Variants in PKHD1 observed in about 807,000 individuals in gnomAD.
PKHD1 encodes the protein PKHD1 ciliary IPT domain containing fibrocystin/polyductin.
PKHD1 carries 291 observed loss-of-function variants against 412.0 expected under a neutral mutation model. That is an observed-to-expected ratio of 0.71 (90% CI 0.64 to 0.78). The LOEUF (loss-of-function observed/expected upper bound fraction) is 0.78. Ranked by LOEUF, PKHD1 falls within the 30% of genes least tolerant of loss-of-function variation. PKHD1 has a pLI of 0.00. For synonymous variants in PKHD1, 1,777 were observed against 1,821.5 expected, an observed-to-expected ratio of 0.98 and a Z score of 0.62; for missense variants, 4,825 against 4,950.7, an observed-to-expected ratio of 0.97 and a Z score of 0.76.
chr6:51,956,893 G>C (rs1178851079), intron 36 of PKHD1, among the ~76,000 whole-genome samples: 3 of 152,064 alleles, frequency 2.0e-5, no homozygotes, highest in Non-Finnish European at 4.4e-5. Context: ...AAGGGGATCA[G>C]AGGTTAAATA....
chr6:52,060,358 C>CT (rs1449717192), intron 14 of PKHD1, among the ~76,000 whole-genome samples: 2 of 152,174 alleles, frequency 1.3e-5, no homozygotes, highest in Non-Finnish European at 2.9e-5. Context: ...AGCCCTGGAT[C>CT]ATGGTAGAAG....
At chr6:51,958,019 G>A (rs1238221366) in intron 36 of PKHD1, among the ~76,000 whole-genome samples, 2 of 151,976 alleles carry the variant, frequency 1.3e-5, no homozygotes, top group Admixed American at 1.3e-4. Context: ...CACTCAATAA[G>A]CATTCACAAA....
intron 52 of PKHD1, among the ~76,000 whole-genome samples, chr6:51,822,759 A>G (rs536275302): frequency 6.6e-6 from 1 of 152,180 alleles, no homozygotes; most frequent in South Asian, 2.1e-4. Flanking sequence ...CTTTACATGC[A>G]TCCTCTATTT....
chr6:51,900,505 T>C (rs1172265182), intron 43 of PKHD1, among the ~76,000 whole-genome samples: 9 of 152,256 alleles, frequency 5.9e-5, no homozygotes, highest in South Asian at 2.1e-4. Flanking sequence ...CCTTACACCT[T>C]ATTCAAAAAT....
intron 49 of PKHD1, among the ~76,000 whole-genome samples, chr6:51,854,452 G>A (rs1027893155): frequency 8.5e-5 from 13 of 152,120 alleles, no homozygotes; most frequent in South Asian, 2.1e-4. Context: ...TTTGTCCCTT[G>A]GTGGAGAGGG....
intron 55 of PKHD1, among the ~76,000 whole-genome samples, chr6:51,767,898 T>C (rs551716433): frequency 3.3e-4 from 50 of 152,172 alleles, no homozygotes; most frequent in Non-Finnish European, 6.5e-4. Flanking sequence ...CCACACTGAC[T>C]TCCACAATGG....
At chr6:51,911,775 C>G (rs1214627439) in intron 39 of PKHD1, 24 bp downstream of exon 39, 12 of 1,603,172 alleles carry the variant, frequency 7.5e-6, no homozygotes, top group African/African-American at 1.3e-5. Flanking sequence ...GCTCATTAGA[C>G]TTTCCAACAA....
Position 51,763,782 on chromosome 6 carries a change from T to G in PKHD1, c.8643-8844A>C, listed in dbSNP as rs773221025. ...AGCCCCTGACTACAATTACACTGTC[T>G]CTTGCTGGGTGTCTCTGGATCTACT... On this transcript the variant is annotated intron_variant, in intron 55 of 66. Coordinates refer to ENST00000371117, the MANE Select transcript of PKHD1 (RefSeq NM_138694.4). Among the ~76,000 whole-genome samples the G allele has an allele frequency of 3.3e-5, 5 of 152,148 alleles. 1 individual carries two copies. Among genetic ancestry groups the G allele is most frequent in the Admixed American group, 1.3e-4 (2 of 15,248 alleles).
At chr6:51,683,217 C>A (rs542622515) in intron 60 of PKHD1, among the ~76,000 whole-genome samples, 79 of 152,048 alleles carry the variant, frequency 5.2e-4, no homozygotes, top group African/African-American at 1.9e-3. Flanking sequence ...TCAATGACTC[C>A]TCCTGAAAAC....
chr6:51,719,774 C>T (rs1001810795), intron 60 of PKHD1, among the ~76,000 whole-genome samples: 2 of 152,116 alleles, frequency 1.3e-5, no homozygotes, highest in Admixed American at 6.6e-5. Flanking sequence ...CTTTATTATG[C>T]TGTTGGCAAA....
At chr6:51,728,723 C>A (rs771995335) in intron 60 of PKHD1, among the ~76,000 whole-genome samples, 6 of 152,178 alleles carry the variant, frequency 3.9e-5, no homozygotes, top group Admixed American at 2.0e-4. Context: ...GACTTCTGAC[C>A]TACAAAACTG....
chr6:51,909,819 C>A (rs1782685964), intron 39 of PKHD1, among the ~76,000 whole-genome samples: 1 of 152,060 alleles, frequency 6.6e-6, no homozygotes, highest in South Asian at 2.1e-4. Context: ...AATAAAATGA[C>A]CTTCTTGTGG....
intron 53 of PKHD1, 106 bp downstream of exon 53, chr6:51,791,130 C>T: frequency 8.4e-7 from 1 of 1,186,966 alleles, no homozygotes; most frequent in South Asian, 1.2e-5. Flanking sequence ...TTAACCCTCC[C>T]TAAACTCTGT....
chr6:51,664,956 AGTT>A (rs1773487073), intron 60 of PKHD1, among the ~76,000 whole-genome samples: 1 of 152,116 alleles, frequency 6.6e-6, no homozygotes, highest in Non-Finnish European at 1.5e-5. Context: ...ATCAAATATT[AGTT>A]ATTATAAAAT....
chr6:52,062,660 C>A lies in PKHD1; in HGVS notation c.977G>T (p.Gly326Val), dbSNP rs778329699. The A allele has an allele frequency of 2.7e-5, 43 of 1,613,942 alleles. No individual in the cohort carries two copies. Among genetic ancestry groups the A allele is most frequent in the Non-Finnish European group, 3.6e-5 (42 of 1,179,950 alleles). The change falls in exon 14 of 67, where the codon GGC becomes GTC. Residue 326 changes from glycine (G) to valine (V), a missense_variant and splice_region_variant. By Grantham distance (109) the Gly-to-Val change is moderately radical. Transcript: ENST00000371117. Reference protein sequence around the residue: ...KDVRLTTPQPGNRGLLFEVGD... With the variant: ...KDVRLTTPQPVNRGLLFEVGD... ...AACTTCAAAAAGAAGCCCTCGATTG[C>A]CTGTAAGACATGTAGATCGCATAAA...
At chr6:51,728,803 C>T (rs775686700) in intron 60 of PKHD1, among the ~76,000 whole-genome samples, 20 of 152,154 alleles carry the variant, frequency 1.3e-4, no homozygotes, top group Non-Finnish European at 2.5e-4. Context: ...CAATAGAAAA[C>T]TTGTACAAAA....
In PKHD1 at chr6:52,055,668, C is replaced by G; in HGVS notation, c.1755G>C (p.Arg585Ser). The G allele has an allele frequency of 6.2e-7, 1 of 1,613,874 alleles. No homozygotes were observed. The highest frequency in any genetic ancestry group is 8.5e-7 in the Non-Finnish European group (1 of 1,179,834). ...GGTGTCGAGGCTGACGGAGGCTGAA[C>G]CTGCCACAGAAGGGCTCCGTCCCAC... Reference protein sequence around the residue: ...LTSGTEPFCGRFSLRQPRHLV... With the variant: ...LTSGTEPFCGSFSLRQPRHLV... The change falls in exon 19 of 67, where the codon AGG (arginine) becomes AGC (serine). Residue 585 changes from arginine to serine, a missense_variant. By Grantham distance (110) the Arg-to-Ser change is moderately radical. Coordinates refer to ENST00000371117, the MANE Select transcript of PKHD1 (RefSeq NM_138694.4).
Position 52,059,658 on chromosome 6 carries a change from T to TATAC in PKHD1, c.1233+266_1233+269dup, listed in dbSNP as rs1808374189. Among the ~76,000 whole-genome samples the TATAC allele has an allele frequency of 2.6e-5, 4 of 152,256 alleles. No individual in the cohort carries two copies. The South Asian group carries it at 8.3e-4, about 31-fold the overall frequency. ...AACACATACATAATATATATACATATATACATACATACATACATTTTGCAG... is the reference window on the plus strand; with the variant it reads ...AACACATACATAATATATATACATATATACATACATACATACATACATTTTGCAG... On this transcript the variant is annotated intron_variant, in intron 15 of 66. Coordinates refer to ENST00000371117, the MANE Select transcript of PKHD1 (RefSeq NM_138694.4).
rs1034663563 is a variant in PKHD1, at chr6:51,781,209, G to A, written c.8441-5288C>T. 3.3e-5 allele frequency among the ~76,000 whole-genome samples: 5 copies of A among 152,140 alleles called. No homozygotes were observed. In the South Asian group the frequency reaches 1.0e-3, roughly 32 times the overall value. On this transcript the variant is annotated intron_variant, in intron 53 of 66. Coordinates refer to ENST00000371117, the MANE Select transcript of PKHD1 (RefSeq NM_138694.4). ...GCAGCACATATTTTTTTCTGAATTA[G>A]CTTTTAATTCCCAGTGTATATTTGA... is the stretch of plus-strand genomic sequence containing the variant.
Sources: allele counts gnomAD v4.1 joint callset (sites outside exome capture counted in the v4.1 genomes callset), GRCh38; gene constraint gnomAD v4.1.1; transcripts MANE v1.5; gene names NCBI Gene and HGNC (gene_info 2026-07-23, HGNC 2026-07-21).